Variants in PRICKLE2 observed in about 807,000 individuals in gnomAD.
The protein encoded by PRICKLE2 is prickle planar cell polarity protein 2.
A neutral mutation model predicts 81.4 loss-of-function variants in PRICKLE2; 21 were observed. That is an observed-to-expected ratio of 0.26 (90% confidence interval 0.18 to 0.37). The LOEUF is 0.37. Ranked by LOEUF, PRICKLE2 falls within the 10% of genes least tolerant of loss-of-function variation. PRICKLE2 has a pLI of 1.00. For missense variants in PRICKLE2, 940 were observed against 1,109.0 expected (o/e 0.85, Z 2.16); for synonymous variants, 456 against 421.5 (o/e 1.08, Z -1.00).
intron 7 of PRICKLE2, among the ~76,000 whole-genome samples, chr3:64,120,320 C>A (rs1046196290): frequency 6.6e-6 from 1 of 152,190 alleles, no homozygotes; most frequent in African/African-American, 2.4e-5. Context: ...TATTAACTTG[C>A]ATTTATAGAG....
At chr3:64,108,234 A>G (rs1275372490) in intron 7 of PRICKLE2, among the ~76,000 whole-genome samples, 1 of 152,220 alleles carries the variant, frequency 6.6e-6, no homozygotes, top group African/African-American at 2.4e-5. Context: ...TGCTGCGGCA[A>G]GCCTGAACAG....
chr3:64,226,567 G>T (rs552866893), upstream of PRICKLE2, among the ~76,000 whole-genome samples: 1 of 152,182 alleles, frequency 6.6e-6, no homozygotes, highest in Non-Finnish European at 1.5e-5. Context: ...ATGGGCTACT[G>T]CAATTAAAGA....
chr3:64,137,892 G>A (rs2077301600), intron 7 of PRICKLE2, among the ~76,000 whole-genome samples: 1 of 152,108 alleles, frequency 6.6e-6, no homozygotes, highest in African/African-American at 2.4e-5. Flanking sequence ...TCCTTAGGAT[G>A]TACTAACCAT....
intron 7 of PRICKLE2, among the ~76,000 whole-genome samples, chr3:64,109,484 C>G (rs1240410714): frequency 6.6e-6 from 1 of 152,082 alleles, no homozygotes; most frequent in East Asian, 1.9e-4. Context: ...CATCTGTCAT[C>G]TGCTCTGGTG....
At position 64,248,403 on chromosome 3, in the gene PRICKLE2, T is replaced by C. The variant is rs149880085; in HGVS notation, c.129-49436A>G. 3.7e-3 allele frequency among the ~76,000 whole-genome samples: 563 copies of C among 152,266 alleles called. 4 individuals are homozygous for C. Among genetic ancestry groups the C allele is most frequent in the African/African-American group, 0.013 (528 of 41,562 alleles). ...TTCCAATGAGAAAAGATCAGAGAGT[T>C]AATTAATGTGTAACCAACCTGTGGA... On this transcript the variant is annotated intron_variant, in intron 2 of 8. Transcript: ENST00000295902.
intron 3 of PRICKLE2, among the ~76,000 whole-genome samples, chr3:64,160,690 C>A (rs1559548464): frequency 6.6e-6 from 1 of 152,190 alleles, no homozygotes; most frequent in Non-Finnish European, 1.5e-5. Flanking sequence ...TGCTAGACTT[C>A]AGTTGAGTCG....
intron 7 of PRICKLE2, among the ~76,000 whole-genome samples, chr3:64,123,521 C>G (rs1054260049): frequency 2.0e-5 from 3 of 152,230 alleles, no homozygotes; most frequent in African/African-American, 7.2e-5. Flanking sequence ...CTTGCAGATA[C>G]TGTGATGCTT....
In PRICKLE2 at chr3:64,097,086, C is replaced by T. The variant is rs901792900; in HGVS notation, c.*1965G>A. ...TAATAGAGTTAATTCTCCGGAGGCTCGGATAATTAATGAAGCATTTAGATA... is the reference window on the plus strand; with the variant it reads ...TAATAGAGTTAATTCTCCGGAGGCTTGGATAATTAATGAAGCATTTAGATA... On this transcript the variant is annotated 3_prime_UTR_variant, in exon 8 of 8. Transcript: ENST00000638394. 2 of 152,412 alleles carry T rather than the reference C, an allele frequency of 1.3e-5. No homozygotes were observed. The highest frequency in any genetic ancestry group is 2.9e-5 in the Non-Finnish European group (2 of 68,020). The allele number at this position is 152,412 out of a possible 1,614,324, so 9.4% of individuals were successfully genotyped here.
intron 6 of PRICKLE2, among the ~76,000 whole-genome samples, chr3:64,149,019 C>T (rs937525376): frequency 6.6e-6 from 1 of 152,206 alleles, no homozygotes; most frequent in Non-Finnish European, 1.5e-5. Context: ...AAAGCTACTG[C>T]CCCTCTGGGA....
intron 6 of PRICKLE2, among the ~76,000 whole-genome samples, chr3:64,152,289 T>A (rs576284888): frequency 6.6e-6 from 1 of 152,308 alleles, no homozygotes; most frequent in South Asian, 2.1e-4. Context: ...GATCTGGCTG[T>A]GATCTCACAG....
At chr3:64,122,821 G>C (rs1292833668) in intron 7 of PRICKLE2, among the ~76,000 whole-genome samples, 1 of 152,126 alleles carries the variant, frequency 6.6e-6, no homozygotes, top group Non-Finnish European at 1.5e-5. Flanking sequence ...ACCCAGCCAG[G>C]GTAGATGGTG....
At chr3:64,200,217 T>C (rs774436654) in intron 1 of PRICKLE2, 1 of 152,244 alleles carries the variant, frequency 6.6e-6, no homozygotes, top group Non-Finnish European at 1.5e-5. Flanking sequence ...AATGCAATCA[T>C]ATAATATGTG....
chr3:64,150,234 A>G (rs1480828327), intron 6 of PRICKLE2, among the ~76,000 whole-genome samples: 1 of 152,080 alleles, frequency 6.6e-6, no homozygotes, highest in Non-Finnish European at 1.5e-5. Context: ...AGCTGGTTGT[A>G]AAGATGCTGA....
chr3:64,245,714 A>T (rs1441166799), intron 2 of PRICKLE2, among the ~76,000 whole-genome samples: 1 of 152,122 alleles, frequency 6.6e-6, no homozygotes, highest in Non-Finnish European at 1.5e-5. Flanking sequence ...AAAGTTTTAA[A>T]TCCAACGGAA....
chr3:64,250,975 T>C (rs1241001069), intron 2 of PRICKLE2, among the ~76,000 whole-genome samples: 1 of 152,180 alleles, frequency 6.6e-6, no homozygotes, highest in Admixed American at 6.6e-5. Flanking sequence ...AGCAACATAG[T>C]AGTCACCATC....
Position 64,153,337 on chromosome 3 carries a change from T to C in PRICKLE2, c.632A>G (p.Glu211Gly). 1 of 1,614,100 alleles carries C rather than the reference T, an allele frequency of 6.2e-7. No individual in the cohort carries two copies. The highest frequency in any genetic ancestry group is 1.1e-5 in the South Asian group (1 of 91,086). ...GTGTTTCATGTGCCAGTGTCGCCCCTCAGCTTCTGTGCATTCATCTGCAAA... is the reference window on the plus strand; with the variant it reads ...GTGTTTCATGTGCCAGTGTCGCCCCCCAGCTTCTGTGCATTCATCTGCAAA... Reference protein sequence around the residue: ...IIFADECTEAEGRHWHMKHFC... With the variant: ...IIFADECTEAGGRHWHMKHFC... Residue 211 changes from glutamate to glycine, a missense_variant, in exon 6 of 8, where the codon GAG becomes GGG. Coordinates refer to ENST00000638394, the MANE Select transcript of PRICKLE2 (RefSeq NM_198859.4).
chr3:64,150,678 A>G (rs1321450217), intron 6 of PRICKLE2, among the ~76,000 whole-genome samples: 1 of 152,154 alleles, frequency 6.6e-6, no homozygotes, highest in Non-Finnish European at 1.5e-5. Context: ...ACTCCCTGTT[A>G]GAGGTACACA....
At chr3:64,210,673 T>C (rs971358319) in intron 1 of PRICKLE2, among the ~76,000 whole-genome samples, 4 of 152,240 alleles carry the variant, frequency 2.6e-5, no homozygotes, top group African/African-American at 9.6e-5. Context: ...AAGAATTATA[T>C]GCAGTGCCTT....
At chr3:64,149,958 A>G (rs183076217) in intron 6 of PRICKLE2, among the ~76,000 whole-genome samples, 1 of 147,580 alleles carries the variant, frequency 6.8e-6, no homozygotes, top group African/African-American at 2.5e-5. Flanking sequence ...AATCAACTGA[A>G]TCAACTCCAT....
Sources: gnomAD v4.1 joint callset for allele counts (sites outside exome capture counted in the v4.1 genomes callset) on GRCh38, gnomAD v4.1.1 for gene constraint, MANE v1.5 for transcripts, NCBI Gene and HGNC (gene_info 2026-07-23, HGNC 2026-07-21) for gene names.